The following EXOC2 variants were observed in gnomAD, a reference collection of about 807,000 sequenced individuals.
EXOC2 encodes exocyst complex component 2, also known as SEC5-like 1.
EXOC2 carries 70 observed loss-of-function variants against 131.8 expected under a neutral mutation model. The observed-to-expected ratio is 0.53, with a 90% CI of 0.44 to 0.65. The LOEUF (loss-of-function observed/expected upper bound fraction) is 0.65. EXOC2 is among the 30% of genes least tolerant of loss of function. The pLI is 0.00. For synonymous variants in EXOC2, 411 were observed against 398.4 expected (o/e 1.03, Z -0.38); for missense variants, 923 against 1,108.6 (o/e 0.83, Z 2.38).
chr6:511,015 T>G (rs998476669), intron 23 of EXOC2, among the ~76,000 whole-genome samples: 1 of 152,270 alleles, frequency 6.6e-6, no homozygotes, highest in African/African-American at 2.4e-5. Flanking sequence ...GTTTTGTTTT[T>G]GTTTTTAAAG....
At position 659,782 on chromosome 6, in the gene EXOC2, A is replaced by G. The variant is rs187614583; in HGVS notation, c.-43-21921T>C. On this transcript the variant is annotated intron_variant, in intron 1 of 27. Transcript: ENST00000230449. ...CCATCTGGAAGGTGGCCTGAGGAGC[A>G]GGGGGTACAACTCCACAGGGAGAAG... is the stretch of plus-strand genomic sequence containing the variant. Among the ~76,000 whole-genome samples, 838 of 152,318 alleles carry G rather than the reference A, an allele frequency of 5.5e-3. 5 individuals carry two copies. Among genetic ancestry groups the G allele is most frequent in the African/African-American group, 0.015 (638 of 41,576 alleles).
intron 6 of EXOC2, 79 bp downstream of exon 6, chr6:617,632 C>T (rs1761080344): frequency 6.6e-7 from 1 of 1,518,924 alleles, no homozygotes; most frequent in African/African-American, 1.4e-5. Context: ...CCGAGTGTCA[C>T]ACCCTGTAAA....
chr6:679,921 A>G (rs538605306), intron 1 of EXOC2, among the ~76,000 whole-genome samples: 4 of 152,244 alleles, frequency 2.6e-5, no homozygotes, highest in Non-Finnish European at 5.9e-5. Flanking sequence ...TAACAAGGGT[A>G]GGATTATCAG....
At chr6:672,364 C>A (rs781464050) in intron 1 of EXOC2, among the ~76,000 whole-genome samples, 2 of 152,218 alleles carry the variant, frequency 1.3e-5, no homozygotes, top group South Asian at 2.1e-4. Context: ...AGCATATAAT[C>A]ATAGTTGTTT....
chr6:652,107 A>G (rs1257823624), intron 1 of EXOC2, among the ~76,000 whole-genome samples: 1 of 152,134 alleles, frequency 6.6e-6, no homozygotes, highest in Non-Finnish European at 1.5e-5. Flanking sequence ...CACCAAACAA[A>G]ATAATTCACA....
chr6:527,686 T>C (rs1173412911), intron 23 of EXOC2, among the ~76,000 whole-genome samples: 1 of 152,244 alleles, frequency 6.6e-6, no homozygotes, highest in Non-Finnish European at 1.5e-5. Flanking sequence ...GACATACTCA[T>C]GTCACAAATT....
At chr6:675,862 A>C (rs548190354) in intron 1 of EXOC2, among the ~76,000 whole-genome samples, 1 of 50,974 alleles carries the variant, frequency 2.0e-5, no homozygotes, top group Non-Finnish European at 4.5e-5. Flanking sequence ...CTTTCTCTGG[A>C]GACTGCGGTT....
chr6:606,825 T>G (rs540987880), intron 7 of EXOC2, among the ~76,000 whole-genome samples: 32 of 152,304 alleles, frequency 2.1e-4, no homozygotes, highest in African/African-American at 7.5e-4. Flanking sequence ...TCACTCTCCA[T>G]TTGGTGGATT....
intron 11 of EXOC2, among the ~76,000 whole-genome samples, chr6:588,648 G>A (rs771287714): frequency 6.6e-6 from 1 of 152,188 alleles, no homozygotes; most frequent in Non-Finnish European, 1.5e-5. Context: ...CCACCGCACC[G>A]GCCCTTCACT....
intron 1 of EXOC2, among the ~76,000 whole-genome samples, chr6:677,688 A>C (rs1436069022): frequency 6.6e-6 from 1 of 152,124 alleles, no homozygotes; most frequent in African/African-American, 2.4e-5. Context: ...GGGCTGGTCT[A>C]AAATTCCTGA....
At chr6:491,304 A>G in intron 25 of EXOC2, 118 bp from the exon 26 acceptor site, 3 of 909,434 alleles carry the variant, frequency 3.3e-6, no homozygotes, top group Non-Finnish European at 5.3e-6. Flanking sequence ...GCGTAATACC[A>G]CCATGGTGAC....
chr6:620,238 AC>A (rs1332914739), intron 4 of EXOC2, among the ~76,000 whole-genome samples: 1 of 152,194 alleles, frequency 6.6e-6, no homozygotes, highest in African/African-American at 2.4e-5. Flanking sequence ...TGCCAGATGT[AC>A]CCACCGAGGC....
At chr6:514,336 G>C (rs770454268) in intron 23 of EXOC2, among the ~76,000 whole-genome samples, 2 of 152,162 alleles carry the variant, frequency 1.3e-5, no homozygotes, top group African/African-American at 2.4e-5. Flanking sequence ...CTAAGAGAAG[G>C]TGGTTAAGAA....
chr6:542,389 C>T (rs1043372714), intron 22 of EXOC2, among the ~76,000 whole-genome samples: 7 of 152,162 alleles, frequency 4.6e-5, no homozygotes, highest in African/African-American at 1.7e-4. Flanking sequence ...GAGAACAAGG[C>T]ATCAAAGGAG....
intron 1 of EXOC2, chr6:656,504 C>T (rs1278758095): frequency 1.2e-6 from 2 of 1,605,684 alleles, no homozygotes; most frequent in Non-Finnish European, 1.7e-6. Context: ...GCAGGCTGGG[C>T]GGCAGGCAGT....
intron 1 of EXOC2, 37 bp from the exon 2 acceptor site, chr6:637,898 T>A (rs2127716271): frequency 7.1e-6 from 9 of 1,272,026 alleles, no homozygotes; most frequent in Middle Eastern, 1.8e-4. Context: ...TAGTACCAAC[T>A]GAGACAAGCA....
intron 13 of EXOC2, among the ~76,000 whole-genome samples, chr6:567,327 G>A (rs1758021064): frequency 6.6e-6 from 1 of 152,132 alleles, no homozygotes; most frequent in Non-Finnish European, 1.5e-5. Context: ...CATCCTCTGT[G>A]TGGTTGTGTC....
rs138113337 is a variant in EXOC2 at position 568,963 on chromosome 6, CG to C, written c.1443+3556del. Among the ~76,000 whole-genome samples the C allele has an allele frequency of 4.1e-4, 62 of 152,148 alleles. No homozygotes were observed. The East Asian group carries it at 0.012, about 29-fold the overall frequency. The stretch of plus-strand genomic sequence containing the variant: ...TGTCTCCAAACACATGAAAAGTAGA[CG>C]GGGAAGGGAACTAGTTGTGGGGCAG... On this transcript the variant is annotated intron_variant, in intron 13 of 27. Coordinates refer to ENST00000230449, the MANE Select transcript of EXOC2 (RefSeq NM_018303.6).
intron 1 of EXOC2, among the ~76,000 whole-genome samples, chr6:659,496 A>G (rs1318232412): frequency 6.6e-6 from 1 of 152,202 alleles, no homozygotes; most frequent in East Asian, 1.9e-4. Context: ...GAAGGAAGTA[A>G]ACTGCTCTTG....
Sources: allele counts gnomAD v4.1 joint callset (sites outside exome capture counted in the v4.1 genomes callset), GRCh38; gene constraint gnomAD v4.1.1; transcripts MANE v1.5; gene names NCBI Gene and HGNC (gene_info 2026-07-23, HGNC 2026-07-21).